ARHGAP29: variants seen among roughly 807,000 people sequenced by gnomAD.
The protein encoded by ARHGAP29 is Rho GTPase activating protein 29.
ARHGAP29 carries 43 observed loss-of-function variants against 122.6 expected under a neutral mutation model. That is an observed-to-expected ratio of 0.35 (90% CI 0.27 to 0.45). The LOEUF (loss-of-function observed/expected upper bound fraction) is 0.45. Among genes scored for constraint, ARHGAP29 ranks in the 20% least tolerant of loss-of-function variants. The pLI is 1.00. For missense variants in ARHGAP29, 1,303 were observed against 1,477.2 expected (o/e 0.88, Z 1.93); for synonymous variants, 506 against 497.1 (o/e 1.02, Z -0.24).
intron 2 of ARHGAP29, among the ~76,000 whole-genome samples, chr1:94,227,038 A>G (rs2101602964): frequency 6.6e-6 from 1 of 152,018 alleles, no homozygotes; most frequent in East Asian, 1.9e-4. Flanking sequence ...AACTGAGTTA[A>G]TCCACAAGAC....
chr1:94,275,726 T>A (rs116836523), upstream of ARHGAP29, among the ~76,000 whole-genome samples: 1,093 of 151,832 alleles, frequency 7.2e-3, 15 homozygotes, highest in African/African-American at 0.025. Flanking sequence ...AGGGTTTTTT[T>A]AAAAAAAAGG....
At chr1:94,238,053 A>ATTTTT (rs71717670), upstream of ARHGAP29, among the ~76,000 whole-genome samples, 1 of 61,004 alleles carries the variant, frequency 1.6e-5, no homozygotes, top group Non-Finnish European at 2.8e-5. Context: ...GCCTATCTGT[A>ATTTTT]TTTTTTTTTT....
In ARHGAP29 at chr1:94,231,541, A is replaced by G. The variant is rs774714155; in HGVS notation, c.71T>C (p.Ile24Thr). 5 of 1,613,734 alleles carry G rather than the reference A, an allele frequency of 3.1e-6. No homozygotes were observed. Among genetic ancestry groups the G allele is most frequent in the South Asian group, 2.2e-5 (2 of 91,070 alleles). Residue 24 changes from isoleucine (I) to threonine (T), a missense_variant, in exon 2 of 23, where the codon ATT becomes ACT. Around this residue, in one of 3 missense-constraint regions of ARHGAP29, gnomAD observed 592 missense variants for 648.2 expected, o/e 0.91. Transcript: ENST00000260526. ...AWASGQLSTD[I>T]TTSEMGLKSL... ...CTTGAGCCCCATTTCAGAAGTTGTA[A>G]TATCAGTAGAGAGTTGACCTGATGC... is the stretch of plus-strand genomic sequence containing the variant.
At chr1:94,279,868 G>C (rs1454011526), upstream of ARHGAP29, among the ~76,000 whole-genome samples, 2 of 151,996 alleles carry the variant, frequency 1.3e-5, no homozygotes, top group Non-Finnish European at 2.9e-5. Context: ...TGCTCTTTTG[G>C]GCCAAAGGTT....
the ARHGAP29 span, among the ~76,000 whole-genome samples, chr1:94,300,760 T>C: frequency 1.3e-5 from 2 of 152,368 alleles, no homozygotes; most frequent in East Asian, 3.9e-4. Flanking sequence ...ATAGGTACTA[T>C]GGCATATAGG....
chr1:94,272,370 C>T (rs1655024118), intron 1 of ARHGAP29, among the ~76,000 whole-genome samples: 1 of 152,166 alleles, frequency 6.6e-6, no homozygotes, highest in East Asian at 1.9e-4. Context: ...GCTCCTTGAA[C>T]TTGTGTGGAG....
chr1:94,274,520 A>C (rs1655112288), intron 1 of ARHGAP29, among the ~76,000 whole-genome samples: 1 of 152,248 alleles, frequency 6.6e-6, no homozygotes, highest in Non-Finnish European at 1.5e-5. Flanking sequence ...TCAAGTGCTT[A>C]TTGCTGGGAT....
At position 94,186,573 on chromosome 1, in the gene ARHGAP29, C is replaced by T. The variant is rs867470445; in HGVS notation, c.1706G>A (p.Arg569Gln). ...SPGDFHRKLP[R>Q]TPSSGTMSSA... is the part of the protein sequence containing the mutation. ...GGACATAGTTCCACTGGATGGTGTTCGTGGAAGTTTTCGATGAAAGTCTCC... is the reference window on the plus strand; with the variant it reads ...GGACATAGTTCCACTGGATGGTGTTTGTGGAAGTTTTCGATGAAAGTCTCC... Residue 569 changes from arginine (R) to glutamine (Q), a missense_variant, in exon 16 of 23, where the codon CGA becomes CAA. Around this residue, in one of 3 missense-constraint regions of ARHGAP29, gnomAD observed 91 missense variants for 177.8 expected, o/e 0.51. Transcript: ENST00000260526. 1.9e-6 allele frequency: 3 copies of T among 1,613,242 alleles called. No homozygotes were observed. Among genetic ancestry groups the T allele is most frequent in the Non-Finnish European group, 2.5e-6 (3 of 1,179,676 alleles).
chr1:94,249,122 A>G (rs1337446508), intron 1 of ARHGAP29, among the ~76,000 whole-genome samples: 1 of 152,240 alleles, frequency 6.6e-6, no homozygotes, highest in African/African-American at 2.4e-5. Flanking sequence ...ATAAGGGGCA[A>G]TATCTCCACC....
intron 1 of ARHGAP29, among the ~76,000 whole-genome samples, chr1:94,233,424 T>C (rs1653055555): frequency 8.1e-6 from 1 of 123,146 alleles, no homozygotes; most frequent in South Asian, 2.7e-4. Context: ...TGAATTACCA[T>C]CATTTCTTTT....
Position 94,203,981 on chromosome 1 carries a change from A to T in ARHGAP29, c.711T>A (p.Thr237=). 6.2e-7 allele frequency: 1 copy of T among 1,613,826 alleles called. No individual in the cohort carries two copies. Among genetic ancestry groups the T allele is most frequent in the Non-Finnish European group, 8.5e-7 (1 of 1,179,902 alleles). ...CCTCTGCCAACTTGACCATATTTCT[A>T]GTGGACTCCAATTCTGAAAAGTTCA... ...EKKLNLELES[T]RNMVKLAEAT... is the part of the protein sequence containing the mutation. The change falls in exon 8 of 23, where the codon ACT becomes ACA. Residue 237 remains threonine (T), a synonymous_variant. Transcript: ENST00000260526.
At chr1:94,265,834 G>A (rs927006844) in intron 1 of ARHGAP29, among the ~76,000 whole-genome samples, 4 of 152,188 alleles carry the variant, frequency 2.6e-5, no homozygotes, top group African/African-American at 9.7e-5. Flanking sequence ...GAGGCTGTGG[G>A]TGCTATTTCA....
the ARHGAP29 span, among the ~76,000 whole-genome samples, chr1:94,284,089 A>G: frequency 1.2e-4 from 8 of 68,398 alleles, no homozygotes; most frequent in Non-Finnish European, 1.9e-4. Flanking sequence ...GAAATGGGAA[A>G]AAAAAAAAAA....
intron 1 of ARHGAP29, among the ~76,000 whole-genome samples, chr1:94,235,182 CCA>C (rs571987939): frequency 2.0e-4 from 31 of 152,002 alleles, no homozygotes; most frequent in Admixed American, 6.5e-4. Flanking sequence ...TTTTCATATT[CCA>C]GAGTAAAAAA....
chr1:94,309,248 T>C, the ARHGAP29 span, among the ~76,000 whole-genome samples: 1 of 152,366 alleles, frequency 6.6e-6, no homozygotes, highest in South Asian at 2.1e-4. Context: ...ATTTGATAGA[T>C]GAGGAAACTG....
intron 13 of ARHGAP29, 37 bp from the exon 14 acceptor site, chr1:94,189,389 A>G (rs1343044604): frequency 1.9e-6 from 3 of 1,564,364 alleles, no homozygotes; most frequent in Non-Finnish European, 2.6e-6. Context: ...AAAACTCAAC[A>G]CTCCAAAGAA....
intron 2 of ARHGAP29, among the ~76,000 whole-genome samples, chr1:94,224,938 T>C (rs1003646421): frequency 6.6e-6 from 1 of 152,166 alleles, no homozygotes; most frequent in Admixed American, 6.5e-5. Context: ...AGTTACACTA[T>C]GAAGAATTCC....
chr1:94,220,261 T>G lies in ARHGAP29; in HGVS notation c.337A>C (p.Lys113Gln), dbSNP rs777185368. 4 of 1,613,172 alleles carry G rather than the reference T, an allele frequency of 2.5e-6. No individual in the cohort carries two copies. The highest frequency in any genetic ancestry group is 3.4e-6 in the Non-Finnish European group (4 of 1,179,602). ...ACTTTTACTATATCTTCCTTACCTT[T>G]CACTTTTGCAGTGAGCATTTCTGCA... ...NAAEMLTAKV[K>Q]AVNFTEVNEE... Residue 113 changes from lysine to glutamine, a missense_variant, in exon 3 of 23, where the codon AAA (lysine) becomes CAA (glutamine). Coordinates refer to ENST00000260526, the MANE Select transcript of ARHGAP29 (RefSeq NM_004815.4).
intron 1 of ARHGAP29, among the ~76,000 whole-genome samples, chr1:94,271,277 G>A (rs1557897411): frequency 6.9e-6 from 1 of 144,558 alleles, no homozygotes; most frequent in Non-Finnish European, 1.5e-5. Context: ...GAATAAAAGA[G>A]GATAAGCAAG....
Sources: allele counts gnomAD v4.1 joint callset (sites outside exome capture counted in the v4.1 genomes callset), GRCh38; gene constraint gnomAD v4.1.1; regional missense constraint gnomAD v4.1.1; transcripts MANE v1.5; gene names NCBI Gene and HGNC (gene_info 2026-07-23, HGNC 2026-07-21).